DOCK1: variants seen among roughly 807,000 people sequenced by gnomAD.
DOCK1 encodes dedicator of cytokinesis 1, also known as dedicator of cytokinesis protein 1.
In DOCK1, 138 loss-of-function variants were observed where a neutral mutation model predicts 262.7. That is an observed-to-expected ratio of 0.53 (90% CI 0.46 to 0.61). DOCK1 has a LOEUF of 0.61. Ranked by LOEUF, DOCK1 falls within the 20% of genes least tolerant of loss-of-function variation. The probability of loss-of-function intolerance (pLI) is 0.00; values close to 1 mark genes in which losing one functional copy is unlikely to be tolerated. For missense variants in DOCK1, 1,908 were observed against 2,370.7 expected, an observed-to-expected ratio of 0.80 and a Z score of 4.05; for synonymous variants, 866 against 867.4, an observed-to-expected ratio of 1.00 and a Z score of 0.03.
At chr10:127,092,565 T>G (rs1438470785) in intron 23 of DOCK1, among the ~76,000 whole-genome samples, 1 of 152,142 alleles carries the variant, frequency 6.6e-6, no homozygotes, top group African/African-American at 2.4e-5. Context: ...CATTCTTTTT[T>G]TTTTGAGACT....
chr10:127,414,831 A>AG (rs1380114754), intron 43 of DOCK1, among the ~76,000 whole-genome samples: 3 of 152,308 alleles, frequency 2.0e-5, no homozygotes, highest in Admixed American at 6.5e-5. Flanking sequence ...TTTGCTCAAG[A>AG]GGGGCTCCCC....
chr10:127,312,809 C>T (rs1483982778), intron 29 of DOCK1, among the ~76,000 whole-genome samples: 1 of 150,212 alleles, frequency 6.7e-6, no homozygotes, highest in Non-Finnish European at 1.5e-5. Context: ...AGCCATCACT[C>T]CCTCCCTCCT....
At chr10:127,112,706 T>C (rs1300835122) in intron 25 of DOCK1, among the ~76,000 whole-genome samples, 1 of 152,212 alleles carries the variant, frequency 6.6e-6, no homozygotes, top group Non-Finnish European at 1.5e-5. Flanking sequence ...TATTGTGGGC[T>C]AAATGAACCA....
intron 23 of DOCK1, among the ~76,000 whole-genome samples, chr10:127,096,667 C>T (rs1592009307): frequency 6.6e-6 from 1 of 151,784 alleles, no homozygotes; most frequent in African/African-American, 2.4e-5. Flanking sequence ...TCATCATCAT[C>T]AGTAATATTT....
In DOCK1 at chr10:127,343,732, CA is replaced by C; in HGVS notation, c.3214del (p.Ile1072SerfsTer8). On this transcript the variant is annotated frameshift_variant, in exon 31 of 52. Transcript: ENST00000623213. LOFTEE classifies it high-confidence loss of function. Reference sequence around the variant, plus strand: ...AGAATTTTTCAAGTGCCAAGAGAGCCAAAATCCTTAACAAGTAAGTTCTCAT... The same window carrying C: ...AGAATTTTTCAAGTGCCAAGAGAGCCAAATCCTTAACAAGTAAGTTCTCAT... The part of the protein sequence containing the change: ...LENFSSAKRA[K>X]ILNKYGDMRR... 6.2e-7 allele frequency: 1 copy of C among 1,607,500 alleles called. No individual in the cohort carries two copies. Among genetic ancestry groups the C allele is most frequent in the South Asian group, 1.1e-5 (1 of 89,102 alleles).
At chr10:126,955,381 C>T (rs2036648376) in intron 1 of DOCK1, among the ~76,000 whole-genome samples, 1 of 152,242 alleles carries the variant, frequency 6.6e-6, no homozygotes, top group Non-Finnish European at 1.5e-5. Context: ...TCACCTTGGC[C>T]TCCCAAAGGG....
chr10:127,011,865 T>G (rs2041480191), intron 11 of DOCK1, among the ~76,000 whole-genome samples: 1 of 152,086 alleles, frequency 6.6e-6, no homozygotes, highest in Admixed American at 6.6e-5. Context: ...CAGAATTAAT[T>G]GAAATTGGAG....
At chr10:127,146,084 C>A (rs1454687514) in intron 27 of DOCK1, 1 of 512,788 alleles carries the variant, frequency 2.0e-6, no homozygotes, top group Non-Finnish European at 3.9e-6. Context: ...TATTTACCCC[C>A]AGAAAAATCT....
At position 127,263,536 on chromosome 10, in the gene DOCK1, T is replaced by C. The variant is rs185054514; in HGVS notation, c.3044+6107T>C. ...CCAGATGGCAAGATGACATTTAAGA[T>C]GAGCACAGCACAGAAACAGTAGAAG... On this transcript the variant is annotated intron_variant, in intron 29 of 51. Transcript: ENST00000623213. Among the ~76,000 whole-genome samples the C allele has an allele frequency of 3.2e-3, 482 of 152,312 alleles. 1 individual carries two copies. The highest frequency in any genetic ancestry group is 3.6e-3 in the Non-Finnish European group (248 of 68,020).
chr10:126,974,726 C>T (rs2038385907), intron 2 of DOCK1, among the ~76,000 whole-genome samples: 2 of 152,176 alleles, frequency 1.3e-5, no homozygotes, highest in South Asian at 2.1e-4. Context: ...TGGTGTGACC[C>T]CTACTTGTCT....
At chr10:127,287,686 T>C (rs1260292951) in intron 29 of DOCK1, among the ~76,000 whole-genome samples, 1 of 152,196 alleles carries the variant, frequency 6.6e-6, no homozygotes, top group Admixed American at 6.5e-5. Context: ...TGTTGTTGTT[T>C]TTTAGCAAGA....
intron 21 of DOCK1, 142 bp downstream of exon 21, chr10:127,043,306 T>C (rs882052): frequency 0.36 from 241,239 of 671,368 alleles, 44,459 homozygotes; most frequent in East Asian, 0.42. Context: ...TTTTTAGTAT[T>C]GTTTCCCTCT....
At chr10:127,110,454 G>A in intron 25 of DOCK1, 100 bp downstream of exon 25, 1 of 1,072,254 alleles carries the variant, frequency 9.3e-7, no homozygotes, top group South Asian at 1.4e-5. Context: ...AGTAGAGGCT[G>A]CAACCAATTA....
chr10:127,049,535 A>G (rs527742068), intron 21 of DOCK1, among the ~76,000 whole-genome samples: 11 of 152,232 alleles, frequency 7.2e-5, no homozygotes, highest in African/African-American at 2.2e-4. Flanking sequence ...ATAAATAAAT[A>G]AAATAATGAG....
At chr10:127,042,053 T>C (rs1591784698) in intron 19 of DOCK1, among the ~76,000 whole-genome samples, 1 of 152,344 alleles carries the variant, frequency 6.6e-6, no homozygotes, top group East Asian at 1.9e-4. Flanking sequence ...AGTATTTATT[T>C]GGTAAATTTT....
At chr10:127,201,751 A>G (rs549703782) in intron 27 of DOCK1, among the ~76,000 whole-genome samples, 5 of 152,202 alleles carry the variant, frequency 3.3e-5, no homozygotes, top group African/African-American at 9.6e-5. Context: ...TCCCAACTGC[A>G]GCCTCTCCTT....
intron 49 of DOCK1, among the ~76,000 whole-genome samples, chr10:127,439,454 G>C (rs72843733): frequency 1.3e-5 from 2 of 152,168 alleles, no homozygotes; most frequent in Non-Finnish European, 2.9e-5. Flanking sequence ...TCCCCCTTCC[G>C]CAGGGCCTGG....
chr10:127,377,052 C>T (rs1368557822), intron 35 of DOCK1, among the ~76,000 whole-genome samples: 4 of 152,206 alleles, frequency 2.6e-5, no homozygotes, highest in Non-Finnish European at 4.4e-5. Context: ...TCAAGGTTAT[C>T]TGACATTATT....
intron 29 of DOCK1, among the ~76,000 whole-genome samples, chr10:127,310,030 C>T (rs2062008358): frequency 6.6e-6 from 1 of 152,092 alleles, no homozygotes; most frequent in African/African-American, 2.4e-5. Context: ...CACGTGCCAC[C>T]ACACCCAGCA....
Sources: gnomAD v4.1 joint callset for allele counts (sites outside exome capture counted in the v4.1 genomes callset) on GRCh38, gnomAD v4.1.1 for gene constraint, MANE v1.5 for transcripts, NCBI Gene and HGNC (gene_info 2026-07-23, HGNC 2026-07-21) for gene names.